Variants in ST3GAL2 observed in about 807,000 individuals in gnomAD.
ST3GAL2 encodes the protein ST3 beta-galactoside alpha-2,3-sialyltransferase 2.
Under a neutral mutation model 37.5 loss-of-function variants are expected in ST3GAL2, and 16 were observed. That is an observed-to-expected ratio of 0.43 (90% CI 0.29 to 0.65). The LOEUF (loss-of-function observed/expected upper bound fraction) is 0.65, where lower values mean the gene tolerates loss of function less well. Among genes scored for constraint, ST3GAL2 ranks in the 30% least tolerant of loss-of-function variants. The pLI is 0.17. For missense variants in ST3GAL2, 383 were observed against 487.8 expected (o/e 0.79, Z 2.02); for synonymous variants, 238 against 202.9 (o/e 1.17, Z -1.47).
chr16:70,436,281 A>T (rs143141626), intron 1 of ST3GAL2, among the ~76,000 whole-genome samples: 1 of 152,074 alleles, frequency 6.6e-6, no homozygotes, highest in Admixed American at 6.6e-5. Context: ...TACAAAAAGT[A>T]GCGGGGTGTC....
intron 3 of ST3GAL2, among the ~76,000 whole-genome samples, chr16:70,394,702 A>G (rs997668884): frequency 6.6e-6 from 1 of 152,170 alleles, no homozygotes; most frequent in Admixed American, 6.5e-5. Context: ...TCACCAAACA[A>G]TCAGCCAGGA....
intron 1 of ST3GAL2, among the ~76,000 whole-genome samples, chr16:70,415,146 T>C (rs2151671535): frequency 6.6e-6 from 1 of 152,286 alleles, no homozygotes; most frequent in East Asian, 1.9e-4. Flanking sequence ...AGTGCTGGGA[T>C]TACAGGCATG....
Position 70,394,680 on chromosome 16 carries a change from T to C in ST3GAL2, c.533+302A>G, listed in dbSNP as rs138847566. On this transcript the variant is annotated intron_variant, in intron 3 of 6. Coordinates refer to ENST00000342907, the MANE Select transcript of ST3GAL2 (RefSeq NM_006927.4). Reference sequence around the variant, plus strand: ...GGTGTGAACCACCATGCCCTGCCTCTGATGGGATTTTTCACCAAACAATCA... The same window carrying C: ...GGTGTGAACCACCATGCCCTGCCTCCGATGGGATTTTTCACCAAACAATCA... Among the ~76,000 whole-genome samples the C allele has an allele frequency of 2.0e-5, 3 of 152,326 alleles. No individual in the cohort carries two copies. The East Asian group carries it at 5.8e-4, about 29-fold the overall frequency.
At chr16:70,438,840 G>A (rs925086210) in intron 1 of ST3GAL2, 109 bp downstream of exon 1, 2 of 152,048 alleles carry the variant, frequency 1.3e-5, no homozygotes, top group Admixed American at 6.6e-5. Context: ...GGGCTGGAAC[G>A]GGCCGGTCTG....
At chr16:70,434,553 C>T (rs2151682398) in intron 1 of ST3GAL2, among the ~76,000 whole-genome samples, 2 of 152,310 alleles carry the variant, frequency 1.3e-5, no homozygotes, top group South Asian at 2.1e-4. Flanking sequence ...ATCAGAAAGA[C>T]ATGAGTTTCA....
At position 70,379,800 on chromosome 16, in the gene ST3GAL2, T is replaced by A. The variant is rs1225894368; in HGVS notation, c.*1889A>T. On this transcript the variant is annotated 3_prime_UTR_variant, in exon 7 of 7. Transcript: ENST00000342907. ...CTGCGCCTGGCTAATTTTTGTATTT[T>A]TTTTTTTTTTTGGTAGAGACGAGGT... The A allele has an allele frequency of 1.3e-5, 2 of 151,442 alleles. No individual in the cohort carries two copies. Among genetic ancestry groups the A allele is most frequent in the Non-Finnish European group, 3.0e-5 (2 of 67,792 alleles). The allele number at this position is 151,442 out of a possible 1,614,324, so 9.4% of individuals were successfully genotyped here.
chr16:70,385,157 C>T (rs2047433520), intron 4 of ST3GAL2, among the ~76,000 whole-genome samples: 1 of 150,424 alleles, frequency 6.6e-6, no homozygotes, highest in African/African-American at 2.4e-5. Context: ...TACAAAAAAT[C>T]AGCTGGGCGT....
chr16:70,381,401 G>C lies in ST3GAL2; in HGVS notation c.*288C>G, dbSNP rs1470340227. ...CTAACCCAAAGCATGAGGGAGTGGG[G>C]ATTGAGCGGCCGCTGGCCCGCCCCC... is the stretch of plus-strand genomic sequence containing the variant. On this transcript the variant is annotated 3_prime_UTR_variant, in exon 7 of 7. Transcript: ENST00000342907. The C allele has an allele frequency of 7.1e-6, 3 of 420,878 alleles. No individual in the cohort carries two copies. The highest frequency in any genetic ancestry group is 1.3e-5 in the Non-Finnish European group (3 of 231,272). 26.1% of individuals were successfully genotyped at this position (420,878 alleles called of 1,614,324 possible).
At chr16:70,436,685 A>C (rs2047827727) in intron 1 of ST3GAL2, among the ~76,000 whole-genome samples, 1 of 152,078 alleles carries the variant, frequency 6.6e-6, no homozygotes, top group Non-Finnish European at 1.5e-5. Flanking sequence ...TCAAATGTGA[A>C]GAATCCTTCC....
intron 1 of ST3GAL2, among the ~76,000 whole-genome samples, chr16:70,405,411 G>A (rs2047583683): frequency 6.6e-6 from 1 of 151,656 alleles, no homozygotes; most frequent in Non-Finnish European, 1.5e-5. Context: ...CATGGTGGCG[G>A]GAGCCTGTAG....
intron 3 of ST3GAL2, among the ~76,000 whole-genome samples, chr16:70,389,809 C>A (rs190156727): frequency 6.9e-6 from 1 of 145,548 alleles, no homozygotes; most frequent in Non-Finnish European, 1.5e-5. Context: ...TTTTTTGAGA[C>A]GGAGTCTTGC....
At chr16:70,431,466 G>A (rs2047789382) in intron 1 of ST3GAL2, among the ~76,000 whole-genome samples, 1 of 152,162 alleles carries the variant, frequency 6.6e-6, no homozygotes, top group African/African-American at 2.4e-5. Context: ...CACCTCCCAG[G>A]AGGACGGGCC....
At chr16:70,395,673 G>A (rs2047510824) in intron 2 of ST3GAL2, among the ~76,000 whole-genome samples, 1 of 152,210 alleles carries the variant, frequency 6.6e-6, no homozygotes, top group South Asian at 2.1e-4. Context: ...TTCAGAGCCA[G>A]AATGGCTGGA....
intron 3 of ST3GAL2, among the ~76,000 whole-genome samples, chr16:70,389,232 A>AAAAAAAAAAAAAAAAAAAAAC: frequency 7.0e-6 from 1 of 142,148 alleles, no homozygotes. Context: ...AAAAAAAAAA[A>AAAAAAAAAAAAAAAAAAAAAC]AAAAAAAAAA....
chr16:70,413,874 T>C (rs1597570366), intron 1 of ST3GAL2, among the ~76,000 whole-genome samples: 3 of 152,210 alleles, frequency 2.0e-5, no homozygotes, highest in Non-Finnish European at 4.4e-5. Flanking sequence ...CTCAATTCCA[T>C]GCTCCAAATG....
intron 1 of ST3GAL2, among the ~76,000 whole-genome samples, chr16:70,417,455 C>T (rs1171627069): frequency 6.6e-6 from 1 of 152,202 alleles, no homozygotes. Flanking sequence ...GCGCGTCCAT[C>T]CTATGGGACA....
chr16:70,423,236 C>T (rs926402259), intron 1 of ST3GAL2, among the ~76,000 whole-genome samples: 3 of 152,092 alleles, frequency 2.0e-5, no homozygotes, highest in Non-Finnish European at 2.9e-5. Flanking sequence ...AGGCTGGGCG[C>T]GGTGGCTCAC....
Position 70,399,025 on chromosome 16 carries a change from C to T in ST3GAL2, c.-495G>A, listed in dbSNP as rs2047537327. The T allele has an allele frequency of 4.9e-6, 2 of 404,418 alleles. No individual in the cohort carries two copies. The highest frequency in any genetic ancestry group is 4.1e-5 in the African/African-American group (2 of 48,688). 25.1% of individuals were successfully genotyped at this position (404,418 alleles called of 1,614,324 possible). ...AGAACTCCAATCACAACAGAGAGCA[C>T]AGGGGCTTCAGGGGACTTGGGTTCC... On this transcript the variant is annotated 5_prime_UTR_variant, in exon 2 of 7. It adds an upstream start codon to the 5' untranslated region. Coordinates refer to ENST00000342907, the MANE Select transcript of ST3GAL2 (RefSeq NM_006927.4).
At chr16:70,414,339 C>T (rs1029755000) in intron 1 of ST3GAL2, among the ~76,000 whole-genome samples, 22 of 152,246 alleles carry the variant, frequency 1.4e-4, no homozygotes, top group African/African-American at 4.8e-4. Flanking sequence ...TCATTCCAGT[C>T]CACAGAGGGA....
Sources: gnomAD v4.1 joint callset for allele counts (sites outside exome capture counted in the v4.1 genomes callset) on GRCh38, gnomAD v4.1.1 for gene constraint, MANE v1.5 for transcripts, NCBI Gene and HGNC (gene_info 2026-07-23, HGNC 2026-07-21) for gene names.